Variants in RPL14 observed in about 807,000 individuals in gnomAD.
The protein encoded by RPL14 is large ribosomal subunit protein eL14.
A neutral mutation model predicts 25.3 loss-of-function variants in RPL14; 4 were observed. That is an observed-to-expected ratio of 0.16 (90% CI 0.08 to 0.36). The LOEUF is 0.36. RPL14 is among the 10% of genes least tolerant of loss of function. RPL14 has a pLI of 1.00. For synonymous variants in RPL14, 75 were observed against 89.8 expected (o/e 0.84, Z 0.93); for missense variants, 212 against 261.9 (o/e 0.81, Z 1.31).
At chr3:40,461,324 C>CT in intron 3 of RPL14, 83 bp from the exon 4 acceptor site, 1 of 1,147,242 alleles carries the variant, frequency 8.7e-7, no homozygotes. Context: ...AGGAAGAGTG[C>CT]TTTTCAAGGA....
chr3:40,457,808 A>T, intron 1 of RPL14, 82 bp from the exon 2 acceptor site: 1 of 1,308,138 alleles, frequency 7.6e-7, no homozygotes, highest in South Asian at 1.2e-5. Flanking sequence ...GAATTTAACC[A>T]TGTTGTCTTT....
In RPL14 at chr3:40,465,467, G is replaced by C. The variant is rs750358498; in HGVS notation, c.*3235G>C. On this transcript the variant is annotated 3_prime_UTR_variant, in exon 6 of 6. Transcript: ENST00000396203. ...GCTTTAGAGGAAAGATGTCCTTTACGTGAGGAAAAGGAAGAAAAGGTGGGT... is the reference window on the plus strand; with the variant it reads ...GCTTTAGAGGAAAGATGTCCTTTACCTGAGGAAAAGGAAGAAAAGGTGGGT... The C allele has an allele frequency of 6.6e-6, 1 of 152,166 alleles. No individual in the cohort carries two copies. Among genetic ancestry groups the C allele is most frequent in the East Asian group, 1.9e-4 (1 of 5,198 alleles). The allele number at this position is 152,166 out of a possible 1,614,324, so 9.4% of individuals were successfully genotyped here. A position where few individuals can be genotyped will look rare whatever the true frequency, so the allele number is the denominator to read the frequency against.
At chr3:40,461,829 G>A in intron 5 of RPL14, 110 bp from the exon 6 acceptor site, 1 of 1,323,372 alleles carries the variant, frequency 7.6e-7, no homozygotes, top group Non-Finnish European at 1.0e-6. Flanking sequence ...CCTTTCTTCA[G>A]ATGTAGTTGT....
At chr3:40,460,652 C>T (rs1030677776) in intron 3 of RPL14, among the ~76,000 whole-genome samples, 4 of 148,948 alleles carry the variant, frequency 2.7e-5, no homozygotes, top group Non-Finnish European at 3.0e-5. Context: ...CTCACTTTGT[C>T]ACCCAGGCTA....
At chr3:40,458,335 GA>G in intron 2 of RPL14, 1 of 513,846 alleles carries the variant, frequency 1.9e-6, no homozygotes, top group South Asian at 2.5e-5. Flanking sequence ...CTAAGGAGTT[GA>G]CCACTGACTA....
At position 40,462,377 on chromosome 3, in the gene RPL14, T is replaced by TTC; in HGVS notation, c.*146_*147insCT. 5 of 462,866 alleles carry TTC rather than the reference T, an allele frequency of 1.1e-5. No individual in the cohort carries two copies. In the South Asian group the frequency reaches 2.4e-4, roughly 22 times the overall value. 28.7% of individuals were successfully genotyped at this position (462,866 alleles called of 1,614,324 possible). ...TAAACATTAAATAATCAGTTCCTTT[T>TTC]TTTTTTTTTTTTTTTTTGAGATGGA... is the stretch of plus-strand genomic sequence containing the variant. On this transcript the variant is annotated 3_prime_UTR_variant, in exon 6 of 6. Transcript: ENST00000396203.
rs377662454 is a variant in RPL14, at chr3:40,468,134, C to T, written c.*5902C>T. ...GGGATTACAGGCGTGAGCCACGGCA[C>T]CAGGCCCTCTTTTTCTATTTAAACA... On this transcript the variant is annotated 3_prime_UTR_variant, in exon 6 of 6. Transcript: ENST00000396203. The T allele has an allele frequency of 3.9e-5, 6 of 152,236 alleles. No homozygotes were observed. The highest frequency in any genetic ancestry group is 1.4e-4 in the African/African-American group (6 of 41,446). The allele number at this position is 152,236 out of a possible 1,614,324, so 9.4% of individuals were successfully genotyped here. A position where few individuals can be genotyped will look rare whatever the true frequency, so the allele number is the denominator to read the frequency against.
chr3:40,457,843 C>T (rs1480470951), intron 1 of RPL14, 47 bp from the exon 2 acceptor site: 1 of 1,496,144 alleles, frequency 6.7e-7, no homozygotes, highest in Non-Finnish European at 9.3e-7. Flanking sequence ...ACATATGTAG[C>T]GAGTATTTCT....
chr3:40,461,005 G>A lies in RPL14; in HGVS notation c.201-402G>A, dbSNP rs532143188. 3.9e-5 allele frequency among the ~76,000 whole-genome samples: 6 copies of A among 152,210 alleles called. No homozygotes were observed. The East Asian group carries it at 1.2e-3, about 30-fold the overall frequency. On this transcript the variant is annotated intron_variant, in intron 3 of 5. Coordinates refer to ENST00000396203, the MANE Select transcript of RPL14 (RefSeq NM_001034996.3). ...GAGCCCAGGAGTTGGAGACCAGCCT[G>A]GGCAACGTAGCAAGACCCTGTCTCT...
At chr3:40,461,796 A>G (rs1439928763) in intron 5 of RPL14, 135 bp downstream of exon 5, 5 of 1,268,946 alleles carry the variant, frequency 3.9e-6, no homozygotes, top group African/African-American at 1.5e-5. Context: ...TTTGTATTTC[A>G]TGATGTCCCT....
In RPL14 at chr3:40,464,220, A is replaced by G. The variant is rs1268685489; in HGVS notation, c.*1988A>G. Reference sequence around the variant, plus strand: ...GGTGATCTGTCCGCCTTGGCCTCCCAAAGTGCTGGGATTACAGGCGTGAGC... The same window carrying G: ...GGTGATCTGTCCGCCTTGGCCTCCCGAAGTGCTGGGATTACAGGCGTGAGC... On this transcript the variant is annotated 3_prime_UTR_variant, in exon 6 of 6. Transcript: ENST00000396203. The G allele has an allele frequency of 2.9e-6, 1 of 339,432 alleles. No individual in the cohort carries two copies. Among genetic ancestry groups the G allele is most frequent in the Non-Finnish European group, 5.8e-6 (1 of 171,500 alleles). The allele number at this position is 339,432 out of a possible 1,614,324, so 21.0% of individuals were successfully genotyped here.
chr3:40,460,616 G>GTT (rs59007316), intron 3 of RPL14, among the ~76,000 whole-genome samples: 58 of 147,386 alleles, frequency 3.9e-4, no homozygotes, highest in African/African-American at 6.0e-4. Flanking sequence ...TTTTTTGAGG[G>GTT]TTTTTTTTTT....
At chr3:40,458,213 C>T in intron 2 of RPL14, 1 of 579,646 alleles carries the variant, frequency 1.7e-6, no homozygotes, top group Non-Finnish European at 3.1e-6. Context: ...CAGTTATAGG[C>T]TGAAACGTTG....
intron 3 of RPL14, 74 bp downstream of exon 3, chr3:40,458,810 AACAAT>A (rs1362108056): frequency 2.7e-5 from 30 of 1,123,744 alleles, no homozygotes; most frequent in Non-Finnish European, 4.0e-5. Flanking sequence ...TTTTGGAGTA[AACAAT>A]ACGGAAGATT....
chr3:40,457,614 T>C, intron 1 of RPL14, 140 bp downstream of exon 1: 3 of 710,644 alleles, frequency 4.2e-6, no homozygotes, highest in Non-Finnish European at 7.0e-6. Flanking sequence ...CCTCCGCCGC[T>C]GGAGCTGGAT....
chr3:40,460,636 C>T (rs999154321), intron 3 of RPL14, among the ~76,000 whole-genome samples: 1 of 148,834 alleles, frequency 6.7e-6, no homozygotes, highest in Non-Finnish European at 1.5e-5. Flanking sequence ...TCTTTTGACA[C>T]GGAGTCTCAC....
Position 40,457,429 on chromosome 3 carries a change from A to C in RPL14, c.-43A>C. 6.3e-7 allele frequency: 1 copy of C among 1,587,160 alleles called. No homozygotes were observed. The highest frequency in any genetic ancestry group is 8.6e-7 in the Non-Finnish European group (1 of 1,166,358). ...CCGCTCGACCTCCACCTCCGCTGGG[A>C]AGCTGAGGCGCCAAACGGCTCCCAG... On this transcript the variant is annotated 5_prime_UTR_variant, in exon 1 of 6. Coordinates refer to ENST00000396203, the MANE Select transcript of RPL14 (RefSeq NM_001034996.3).
rs1275856545 is a variant in RPL14 at position 40,464,394 on chromosome 3, T to G, written c.*2162T>G. On this transcript the variant is annotated 3_prime_UTR_variant, in exon 6 of 6. Coordinates refer to ENST00000396203, the MANE Select transcript of RPL14 (RefSeq NM_001034996.3). ...TGTAATAAGGAAAATATGGATGATTTCGGATTACCTGTTCTACTCTGGGAG... is the reference window on the plus strand; with the variant it reads ...TGTAATAAGGAAAATATGGATGATTGCGGATTACCTGTTCTACTCTGGGAG... 4.4e-6 allele frequency: 2 copies of G among 451,208 alleles called. No homozygotes were observed. Among genetic ancestry groups the G allele is most frequent in the Non-Finnish European group, 8.9e-6 (2 of 224,314 alleles). The allele number at this position is 451,208 out of a possible 1,614,324, so 28.0% of individuals were successfully genotyped here. A position where few individuals can be genotyped will look rare whatever the true frequency, so the allele number is the denominator to read the frequency against.
rs1369409016 is a variant in RPL14 at position 40,467,590 on chromosome 3, A to T, written c.*5358A>T. 1 of 152,306 alleles carries T rather than the reference A, an allele frequency of 6.6e-6. No homozygotes were observed. Among genetic ancestry groups the T allele is most frequent in the Non-Finnish European group, 1.5e-5 (1 of 68,062 alleles). 9.4% of individuals were successfully genotyped at this position (152,306 alleles called of 1,614,324 possible). ...TACTCAGTCTACCCATTCAAATGCC[A>T]ATCTCTTCCAGAGGTAATCTCACAG... On this transcript the variant is annotated 3_prime_UTR_variant, in exon 6 of 6. Transcript: ENST00000396203.
Sources: allele counts gnomAD v4.1 joint callset (sites outside exome capture counted in the v4.1 genomes callset), GRCh38; gene constraint gnomAD v4.1.1; transcripts MANE v1.5; gene names NCBI Gene and HGNC (gene_info 2026-07-23, HGNC 2026-07-21).